Variants in EPHA2 observed in about 807,000 individuals in gnomAD.
EPHA2 encodes the protein EPH receptor A2.
Under a neutral mutation model 104.9 loss-of-function variants are expected in EPHA2, and 54 were observed. That is an observed-to-expected ratio of 0.51 (90% CI 0.41 to 0.65). The LOEUF (loss-of-function observed/expected upper bound fraction) is 0.65, where lower values mean the gene tolerates loss of function less well. Ranked by LOEUF, EPHA2 falls within the 30% of genes least tolerant of loss-of-function variation. The pLI, the probability that EPHA2 is intolerant of heterozygous loss-of-function variation, is 0.00. For synonymous variants in EPHA2, 560 were observed against 559.1 expected (o/e 1.00, Z -0.02); for missense variants, 1,117 against 1,369.5 (o/e 0.82, Z 2.91).
chr1:16,148,348 C>A lies in EPHA2; in HGVS notation c.823+30G>T, dbSNP rs1389571182. 1 of 1,612,542 alleles carries A rather than the reference C, an allele frequency of 6.2e-7. No individual in the cohort carries two copies. The highest frequency in any genetic ancestry group is 8.5e-7 in the Non-Finnish European group (1 of 1,179,764). On this transcript the variant is annotated intron_variant, in intron 3 of 16. Coordinates refer to ENST00000358432, the MANE Select transcript of EPHA2 (RefSeq NM_004431.5). The surrounding 1 kb of genome is among the most constrained non-coding windows in gnomAD (Gnocchi z 4.9). Reference sequence around the variant, plus strand: ...ACCAGAACCTGGGAATGCAGAACCCCCTTCCCTGCAACCCAGAACCGTCAC... The same window carrying A: ...ACCAGAACCTGGGAATGCAGAACCCACTTCCCTGCAACCCAGAACCGTCAC...
chr1:16,125,377 GGCT>G lies in EPHA2; in HGVS notation c.2826-60_2826-58del. ...GGGGCTGGAGCAGGGGAGGGGGCCG[GGCT>G]GGGTGGGGACAGGACTCGGTGGGCG... On this transcript the variant is annotated intron_variant, in intron 16 of 16. Transcript: ENST00000358432. The surrounding 1 kb of genome is among the most constrained non-coding windows in gnomAD (Gnocchi z 4.9). 9.3e-7 allele frequency: 1 copy of G among 1,077,944 alleles called. No individual in the cohort carries two copies. The allele number at this position is 1,077,944 out of a possible 1,614,324, so 66.8% of individuals were successfully genotyped here.
intron 3 of EPHA2, among the ~76,000 whole-genome samples, chr1:16,140,465 T>A (rs2024803502): frequency 1.3e-5 from 2 of 152,154 alleles, no homozygotes; most frequent in Non-Finnish European, 2.9e-5. Context: ...ATAGACCTGC[T>A]ATATACAGGC....
chr1:16,133,877 AC>A lies in EPHA2; in HGVS notation c.1720del (p.Val574PhefsTer9). ...NQRARQSPED[V>X]YFSKSEQLKP... ...CGTCTCACCTGACTTGGAGAAGTAA[AC>A]GTCCTCCGGGGACTGGCGGGCACGC... On this transcript the variant is annotated frameshift_variant, in exon 9 of 17. Coordinates refer to ENST00000358432, the MANE Select transcript of EPHA2 (RefSeq NM_004431.5). LOFTEE classifies it high-confidence loss of function. 1 of 1,550,230 alleles carries A rather than the reference AC, an allele frequency of 6.5e-7. No individual in the cohort carries two copies. Among genetic ancestry groups the A allele is most frequent in the Non-Finnish European group, 8.7e-7 (1 of 1,146,172 alleles).
intron 3 of EPHA2, among the ~76,000 whole-genome samples, chr1:16,147,705 C>G (rs1407194907): frequency 6.6e-6 from 1 of 150,886 alleles, no homozygotes; most frequent in Non-Finnish European, 1.5e-5. Flanking sequence ...GAGATAGACG[C>G]TATGATCCTC....
At chr1:16,136,386 G>A (rs1391481394) in intron 5 of EPHA2, among the ~76,000 whole-genome samples, 3 of 150,964 alleles carry the variant, frequency 2.0e-5, no homozygotes, top group East Asian at 2.0e-4. Context: ...TTGGGAGGCC[G>A]AGGCGGGAGG....
rs572752922 is a variant in EPHA2, at chr1:16,144,633, C to T, written c.823+3745G>A. Among the ~76,000 whole-genome samples, 3 of 152,306 alleles carry T rather than the reference C, an allele frequency of 2.0e-5. No individual in the cohort carries two copies. The South Asian group carries it at 6.2e-4, about 32-fold the overall frequency. On this transcript the variant is annotated intron_variant, in intron 3 of 16. Coordinates refer to ENST00000358432, the MANE Select transcript of EPHA2 (RefSeq NM_004431.5). ...TTCAGACTGAGCCCCAGTGGGAAAC[C>T]ACAGGAGGGAAGCTCGGATCACCAG...
Position 16,133,456 on chromosome 1 carries a change from CCCCTTGG to C in EPHA2, c.1864+18_1864+24del. The C allele has an allele frequency of 6.2e-7, 1 of 1,614,080 alleles. No homozygotes were observed. The highest frequency in any genetic ancestry group is 8.5e-7 in the Non-Finnish European group (1 of 1,179,980). ...TGTCACCACCGCTGCCTCCTCAGGG[CCCCTTGG>C]CAGGGGGCCAACCTCACCTGCTCCG... On this transcript the variant is annotated intron_variant, in intron 10 of 16. Coordinates refer to ENST00000358432, the MANE Select transcript of EPHA2 (RefSeq NM_004431.5).
chr1:16,136,957 C>T (rs1383003413), intron 5 of EPHA2, among the ~76,000 whole-genome samples: 1 of 151,864 alleles, frequency 6.6e-6, no homozygotes, highest in African/African-American at 2.4e-5. Flanking sequence ...CGCCACCACA[C>T]CCAGCTAATT....
intron 5 of EPHA2, 75 bp downstream of exon 5, chr1:16,137,778 G>C: frequency 2.6e-6 from 4 of 1,561,606 alleles, no homozygotes; most frequent in Non-Finnish European, 3.5e-6. Context: ...ACACACCCGA[G>C]CCCCAGATGG....
In EPHA2 at chr1:16,135,907, C is replaced by G; in HGVS notation, c.1313-137G>C. 2 of 611,770 alleles carry G rather than the reference C, an allele frequency of 3.3e-6. No homozygotes were observed. The highest frequency in any genetic ancestry group is 5.9e-6 in the Non-Finnish European group (2 of 336,180). The allele number at this position is 611,770 out of a possible 1,614,324, so 37.9% of individuals were successfully genotyped here. A position where few individuals can be genotyped will look rare whatever the true frequency, so the allele number is the denominator to read the frequency against. On this transcript the variant is annotated intron_variant, in intron 5 of 16. Transcript: ENST00000358432. This position sits in a 1 kb window ranked among gnomAD's most constrained non-coding sequence, Gnocchi z 4.3. ...TTTTTTTGAGACAGGATCTCGCTCT[C>G]TCACCCAGGCTCGAGTGCAGTGGCA...
At chr1:16,147,467 C>T (rs529314673) in intron 3 of EPHA2, among the ~76,000 whole-genome samples, 1 of 152,014 alleles carries the variant, frequency 6.6e-6, no homozygotes, top group African/African-American at 2.4e-5. Flanking sequence ...GAGTTTGAGG[C>T]CCAGGGAGTT....
Position 16,125,205 on chromosome 1 carries a change from C to T in EPHA2, c.*10G>A. Reference sequence around the variant, plus strand: ...TTCTTGGCCGATGGGGCTCCAGGCCCTGTCGAGGCTCAGATGGGGATCCCC... The same window carrying T: ...TTCTTGGCCGATGGGGCTCCAGGCCTTGTCGAGGCTCAGATGGGGATCCCC... On this transcript the variant is annotated 3_prime_UTR_variant, in exon 17 of 17. Transcript: ENST00000358432. The surrounding 1 kb of genome is among the most constrained non-coding windows in gnomAD (Gnocchi z 4.9). 4.3e-6 allele frequency: 7 copies of T among 1,612,854 alleles called. No homozygotes were observed. The highest frequency in any genetic ancestry group is 5.9e-6 in the Non-Finnish European group (7 of 1,179,228).
In EPHA2 at chr1:16,128,521, C is replaced by T. The variant is rs770756412; in HGVS notation, c.2825+913G>A. On this transcript the variant is annotated intron_variant, in intron 16 of 16. Coordinates refer to ENST00000358432, the MANE Select transcript of EPHA2 (RefSeq NM_004431.5). This position sits in a 1 kb window ranked among gnomAD's most constrained non-coding sequence, Gnocchi z 4.7. ...GGAGGCCCAGGTCATCCCCTCCATA[C>T]GGTTCCCAAAACCTCCCAGCCTCCC... Among the ~76,000 whole-genome samples the T allele has an allele frequency of 6.6e-5, 10 of 152,314 alleles. No homozygotes were observed. The highest frequency in any genetic ancestry group is 3.9e-4 in the East Asian group (2 of 5,182).
In EPHA2 at chr1:16,137,901, C is replaced by G. The variant is rs746764558; in HGVS notation, c.1264G>C (p.Val422Leu). Residue 422 changes from valine (V) to leucine (L), a missense_variant, in exon 5 of 17, where the codon GTA becomes CTA. Coordinates refer to ENST00000358432, the MANE Select transcript of EPHA2 (RefSeq NM_004431.5). ...VEARNGVSGL[V>L]TSRSFRTASV... ...GCAGTACGGAAGCTGCGGCTGGTTA[C>G]CAGGCCTGAGACGCCATTGCGGGCC... is the stretch of plus-strand genomic sequence containing the variant. 6.2e-7 allele frequency: 1 copy of G among 1,613,948 alleles called. No individual in the cohort carries two copies. The highest frequency in any genetic ancestry group is 8.5e-7 in the Non-Finnish European group (1 of 1,180,026).
rs2024989142 is a variant in EPHA2, at chr1:16,149,033, C to T, written c.168G>A (p.Gln56=). The T allele has an allele frequency of 2.2e-5, 35 of 1,613,318 alleles. No homozygotes were observed. The highest frequency in any genetic ancestry group is 3.3e-4 in the Middle Eastern group (2 of 6,062). Reference sequence around the variant, plus strand: ...AGATCGGCATGTCATTCATGATGTTCTGCATCAGGTCCCACTGTGGGGGGA... The same window carrying T: ...AGATCGGCATGTCATTCATGATGTTTTGCATCAGGTCCCACTGTGGGGGGA... The part of the protein sequence containing the change: ...HPYGKGWDLM[Q]NIMNDMPIYM... Residue 56 remains glutamine, a synonymous_variant, in exon 3 of 17, where the codon CAG becomes CAA. Coordinates refer to ENST00000358432, the MANE Select transcript of EPHA2 (RefSeq NM_004431.5).
At position 16,128,519 on chromosome 1, in the gene EPHA2, T is replaced by C. The variant is rs1346787897; in HGVS notation, c.2825+915A>G. Among the ~76,000 whole-genome samples, 2 of 152,156 alleles carry C rather than the reference T, an allele frequency of 1.3e-5. No homozygotes were observed. The highest frequency in any genetic ancestry group is 2.9e-5 in the Non-Finnish European group (2 of 68,020). On this transcript the variant is annotated intron_variant, in intron 16 of 16. Transcript: ENST00000358432. The surrounding 1 kb of genome is among the most constrained non-coding windows in gnomAD (Gnocchi z 4.7). ...TGGGAGGCCCAGGTCATCCCCTCCA[T>C]ACGGTTCCCAAAACCTCCCAGCCTC...
intron 1 of EPHA2, among the ~76,000 whole-genome samples, chr1:16,154,505 G>A (rs2025110527): frequency 6.6e-6 from 1 of 152,104 alleles, no homozygotes; most frequent in Non-Finnish European, 1.5e-5. Context: ...TGTAATCGCA[G>A]CACTTTGGGA....
intron 5 of EPHA2, among the ~76,000 whole-genome samples, chr1:16,136,713 AAAGAAG>A (rs202150956): frequency 0.041 from 4,212 of 102,674 alleles, 115 homozygotes; most frequent in South Asian, 0.082. Flanking sequence ...AAGAAGAAGA[AAAGAAG>A]AAGAAGAAGA....
At chr1:16,149,517 T>G (rs188410471) in intron 2 of EPHA2, among the ~76,000 whole-genome samples, 11 of 152,202 alleles carry the variant, frequency 7.2e-5, no homozygotes, top group Non-Finnish European at 1.5e-4. Flanking sequence ...CCCATGTGTG[T>G]TGGCAAACGC....
Sources: allele counts gnomAD v4.1 joint callset (sites outside exome capture counted in the v4.1 genomes callset), GRCh38; gene constraint gnomAD v4.1.1; non-coding constraint Gnocchi (gnomAD v3.1); transcripts MANE v1.5; gene names NCBI Gene and HGNC (gene_info 2026-07-23, HGNC 2026-07-21).